Variants in KLC1 observed in about 807,000 individuals in gnomAD.
The protein encoded by KLC1 is kinesin light chain 1, also known as kinesin 2 60/70kDa.
A neutral mutation model predicts 84.2 loss-of-function variants in KLC1; 30 were observed. The ratio of observed to expected loss-of-function variants is 0.36; its 90% CI spans 0.27 to 0.48. KLC1 has a LOEUF of 0.48. Ranked by LOEUF, KLC1 falls within the 20% of genes least tolerant of loss-of-function variation. The pLI, the probability that KLC1 is intolerant of heterozygous loss-of-function variation, is 0.99. For synonymous variants in KLC1, 289 were observed against 293.3 expected (o/e 0.99, Z 0.15); for missense variants, 499 against 805.4 (o/e 0.62, Z 4.60).
chr14:103,691,435 C>G (rs1393814038), intron 14 of KLC1, among the ~76,000 whole-genome samples: 3 of 138,886 alleles, frequency 2.2e-5, no homozygotes, highest in Non-Finnish European at 4.6e-5. Context: ...GCTGGGATTA[C>G]AAGCATGAGC....
chr14:103,638,458 G>C lies in KLC1; in HGVS notation c.-2+8964G>C, dbSNP rs148387127. On this transcript the variant is annotated intron_variant, in intron 1 of 16. Coordinates refer to ENST00000334553, the MANE Select transcript of KLC1 (RefSeq NM_001394837.1). Reference sequence around the variant, plus strand: ...TGCAGTGATTTTTAATGTATTCTCTGTTTTGTGCAACTACCATCTATCTAA... The same window carrying C: ...TGCAGTGATTTTTAATGTATTCTCTCTTTTGTGCAACTACCATCTATCTAA... Among the ~76,000 whole-genome samples, 719 of 151,280 alleles carry C rather than the reference G, an allele frequency of 4.8e-3. 1 individual carries two copies. The highest frequency in any genetic ancestry group is 0.017 in the African/African-American group (683 of 41,266).
At position 103,694,764 on chromosome 14, in the gene KLC1, T is replaced by A. The variant is rs184820853; in HGVS notation, c.1848+2339T>A. On this transcript the variant is annotated intron_variant, in intron 15 of 16. Coordinates refer to ENST00000334553, the MANE Select transcript of KLC1 (RefSeq NM_001394837.1). This position sits in a 1 kb window ranked among gnomAD's most constrained non-coding sequence, Gnocchi z 4.5. ...TGGTGGCACAGCAGAGGCTCACACT[T>A]GTCACCTTCAGCCTCTAGAAGCTCC... 1 of 985,512 alleles carries A rather than the reference T, an allele frequency of 1.0e-6. No individual in the cohort carries two copies. The highest frequency in any genetic ancestry group is 1.7e-5 in the African/African-American group (1 of 57,386). The allele number at this position is 985,512 out of a possible 1,614,324, so 61.0% of individuals were successfully genotyped here.
Position 103,701,414 on chromosome 14 carries a change from C to T in KLC1, c.*215C>T, listed in dbSNP as rs572506057. ...GGCCTAAGCTGGTGCCCTGGTGCGG[C>T]GTGGTCTCTCCCAGGAGACCTGGGG... On this transcript the variant is annotated 3_prime_UTR_variant, in exon 17 of 17. Transcript: ENST00000334553. 2.0e-5 allele frequency: 10 copies of T among 498,486 alleles called. No homozygotes were observed. Among genetic ancestry groups the T allele is most frequent in the South Asian group, 1.6e-4 (5 of 30,864 alleles). 30.9% of individuals were successfully genotyped at this position (498,486 alleles called of 1,614,324 possible). A position where few individuals can be genotyped will look rare whatever the true frequency, so the allele number is the denominator to read the frequency against.
chr14:103,673,015 T>G lies in KLC1; in HGVS notation c.989T>G (p.Val330Gly). 6.2e-7 allele frequency: 1 copy of G among 1,613,812 alleles called. No individual in the cohort carries two copies. Among genetic ancestry groups the G allele is most frequent in the Non-Finnish European group, 8.5e-7 (1 of 1,179,900 alleles). Residue 330 changes from valine (V) to glycine (G), a missense_variant and splice_region_variant, in exon 8 of 17, where the codon GTT becomes GGT. Val to Gly is a moderately radical substitution (Grantham distance 109, BLOSUM62 -3). This residue lies in a region of KLC1 where 153 missense variants were observed against 332.4 expected (regional missense o/e 0.46). Transcript: ENST00000334553. Reference sequence around the variant, plus strand: ...TAATATGCTGTTTTTTATTTTCAGGTTTTGGGGAAGGATCACCCCGATGTT... The same window carrying G: ...TAATATGCTGTTTTTTATTTTCAGGGTTTGGGGAAGGATCACCCCGATGTT... ...CKRALEIREK[V>G]LGKDHPDVAK...
chr14:103,649,756 C>T (rs1025766914), intron 1 of KLC1, among the ~76,000 whole-genome samples: 12 of 150,426 alleles, frequency 8.0e-5, no homozygotes, highest in African/African-American at 1.5e-4. Context: ...AGTGCAGTGG[C>T]GCCATCTCGG....
chr14:103,638,219 C>T (rs1339401510), intron 1 of KLC1, among the ~76,000 whole-genome samples: 2 of 152,112 alleles, frequency 1.3e-5, no homozygotes, highest in Admixed American at 6.6e-5. Context: ...GTTTTCTTCC[C>T]TCCATCCCAT....
chr14:103,682,557 C>T (rs574768228), intron 13 of KLC1: 1 of 150,808 alleles, frequency 6.6e-6, no homozygotes, highest in Admixed American at 6.6e-5. Flanking sequence ...TGGTAGCAGG[C>T]ACCTGTAATC....
At chr14:103,678,268 TTAAAATAAAATAAAA>T (rs565827229) in intron 12 of KLC1, among the ~76,000 whole-genome samples, 4 of 146,688 alleles carry the variant, frequency 2.7e-5, no homozygotes, top group Non-Finnish European at 4.5e-5. Context: ...GTCTCAAAAA[TTAAAATAAAATAAAA>T]TAAAATAGCA....
rs1218309893 is a variant in KLC1, at chr14:103,631,235, C to G, written c.-2+1741C>G. Among the ~76,000 whole-genome samples, 3 of 152,084 alleles carry G rather than the reference C, an allele frequency of 2.0e-5. No homozygotes were observed. The East Asian group carries it at 5.8e-4, about 29-fold the overall frequency. Reference sequence around the variant, plus strand: ...AGCTGGGACCACAGGCGCCCGCCACCACGCCCGGTTAATTTTTTGTATTTT... The same window carrying G: ...AGCTGGGACCACAGGCGCCCGCCACGACGCCCGGTTAATTTTTTGTATTTT... On this transcript the variant is annotated intron_variant, in intron 1 of 16. Transcript: ENST00000334553.
intron 13 of KLC1, chr14:103,685,764 C>T: frequency 7.9e-7 from 1 of 1,272,062 alleles, no homozygotes; most frequent in Non-Finnish European, 1.0e-6. Context: ...AGCTGCACCT[C>T]TCTGTGAACT....
At chr14:103,663,823 G>A (rs898288304) in intron 5 of KLC1, among the ~76,000 whole-genome samples, 2 of 152,186 alleles carry the variant, frequency 1.3e-5, no homozygotes, top group African/African-American at 4.8e-5. Context: ...GGGGTGGGGC[G>A]AGGGGAACCT....
At chr14:103,699,090 T>C (rs1758783862) in intron 15 of KLC1, 4 of 1,565,864 alleles carry the variant, frequency 2.6e-6, no homozygotes, top group African/African-American at 1.4e-5. Flanking sequence ...GCTGTGCCCC[T>C]GGCACCTGCA....
intron 9 of KLC1, among the ~76,000 whole-genome samples, chr14:103,674,670 C>A (rs1231722086): frequency 6.6e-6 from 1 of 152,082 alleles, no homozygotes; most frequent in Non-Finnish European, 1.5e-5. Context: ...CTGCCTAAGT[C>A]CCCCAAAGTG....
chr14:103,687,278 G>A (rs976911679), intron 14 of KLC1, 67 bp downstream of exon 14: 9 of 1,434,406 alleles, frequency 6.3e-6, no homozygotes, highest in East Asian at 5.5e-5. Flanking sequence ...TCTTCCTAGC[G>A]CAGCCTTCCT....
chr14:103,656,059 C>T (rs2078816758), intron 2 of KLC1, among the ~76,000 whole-genome samples: 1 of 152,222 alleles, frequency 6.6e-6, no homozygotes, highest in Non-Finnish European at 1.5e-5. Context: ...TGCACCTTGG[C>T]AGCCTGTCTT....
In KLC1 at chr14:103,693,060, A is replaced by G. The variant is rs1014221827; in HGVS notation, c.1848+635A>G. Among the ~76,000 whole-genome samples, 1 of 152,208 alleles carries G rather than the reference A, an allele frequency of 6.6e-6. No homozygotes were observed. The highest frequency in any genetic ancestry group is 1.5e-5 in the Non-Finnish European group (1 of 68,036). ...GTGGCTGCTCTAGAACCTGTTTCTC[A>G]GGTGCCTGGGGCCCACCCGGCAGCT... On this transcript the variant is annotated intron_variant, in intron 15 of 16. Coordinates refer to ENST00000334553, the MANE Select transcript of KLC1 (RefSeq NM_001394837.1). This position sits in a 1 kb window ranked among gnomAD's most constrained non-coding sequence, Gnocchi z 5.1.
At chr14:103,656,130 C>A (rs1426064950) in intron 2 of KLC1, among the ~76,000 whole-genome samples, 1 of 152,148 alleles carries the variant, frequency 6.6e-6, no homozygotes, top group African/African-American at 2.4e-5. Flanking sequence ...AAAGGAAGGA[C>A]GTGCCTCCTT....
intron 1 of KLC1, among the ~76,000 whole-genome samples, chr14:103,630,380 A>T (rs1233950857): frequency 6.6e-6 from 1 of 152,228 alleles, no homozygotes; most frequent in East Asian, 1.9e-4. Context: ...TAAATGAATT[A>T]AGAATTTACA....
chr14:103,675,625 T>C, intron 10 of KLC1, 24 bp downstream of exon 10: 1 of 1,608,894 alleles, frequency 6.2e-7, no homozygotes, highest in Non-Finnish European at 8.5e-7. Context: ...ATTTTGAGAT[T>C]TTCTAAATTG....
Sources: gnomAD v4.1 joint callset for allele counts (sites outside exome capture counted in the v4.1 genomes callset) on GRCh38, gnomAD v4.1.1 for gene constraint, gnomAD v4.1.1 regional missense constraint, Gnocchi (gnomAD v3.1) non-coding constraint, MANE v1.5 for transcripts, NCBI Gene and HGNC (gene_info 2026-07-23, HGNC 2026-07-21) for gene names.